WSCD1: variants seen among roughly 807,000 people sequenced by gnomAD.
WSCD1 encodes WSC domain sialate O sulfotransferase 1.
WSCD1 carries 41 observed loss-of-function variants against 60.4 expected under a neutral mutation model. That is an observed-to-expected ratio of 0.68 (90% CI 0.53 to 0.88). The LOEUF (loss-of-function observed/expected upper bound fraction) is 0.88, where lower values mean the gene tolerates loss of function less well. Among genes scored for constraint, WSCD1 ranks in the 40% least tolerant of loss-of-function variants. The pLI is 0.00. For synonymous variants in WSCD1, 361 were observed against 332.5 expected (o/e 1.09, Z -0.93); for missense variants, 784 against 796.2 (o/e 0.98, Z 0.18).
chr17:6,089,385 C>T (rs749823596), intron 3 of WSCD1, among the ~76,000 whole-genome samples: 5 of 152,204 alleles, frequency 3.3e-5, no homozygotes, highest in Non-Finnish European at 5.9e-5. Context: ...ACATCTAAAT[C>T]CACTGATTTG....
intron 5 of WSCD1, among the ~76,000 whole-genome samples, chr17:6,097,659 G>A (rs1910531316): frequency 6.6e-6 from 1 of 152,256 alleles, no homozygotes; most frequent in Admixed American, 6.5e-5. Context: ...GTGACTACCT[G>A]TGTATGTACG....
chr17:6,112,794 G>A (rs1172570501), intron 7 of WSCD1, among the ~76,000 whole-genome samples: 1 of 152,024 alleles, frequency 6.6e-6, no homozygotes, highest in Admixed American at 6.5e-5. Flanking sequence ...AAATTGTAGA[G>A]GACACACAAA....
At chr17:6,086,215 G>A (rs1455125244) in intron 2 of WSCD1, among the ~76,000 whole-genome samples, 3 of 138,746 alleles carry the variant, frequency 2.2e-5, no homozygotes, top group Non-Finnish European at 4.6e-5. Context: ...CCTGGATATT[G>A]CACCTTGGTG....
chr17:6,112,899 C>T (rs1412083843), intron 7 of WSCD1, among the ~76,000 whole-genome samples: 1 of 151,922 alleles, frequency 6.6e-6, no homozygotes, highest in African/African-American at 2.4e-5. Context: ...CAATACAATC[C>T]CTATCAAAAT....
intron 7 of WSCD1, 110 bp downstream of exon 7, chr17:6,111,045 T>G: frequency 7.4e-7 from 1 of 1,359,038 alleles, no homozygotes; most frequent in South Asian, 1.7e-5. Flanking sequence ...AACTTGAGTG[T>G]ACATAAGAGT....
At position 6,120,526 on chromosome 17, in the gene WSCD1, C is replaced by T. The variant is rs763940920; in HGVS notation, c.1593C>T (p.Arg531=). The stretch of plus-strand genomic sequence containing the variant: ...ACAAGGAGGGCAGCTTCCGGCGGCG[C>T]GGCCGGCGCTCCCACGACCCTGAGC... ...ENNKEGSFRR[R]GRRSHDPEPF... Residue 531 remains arginine (R), a synonymous_variant, in exon 9 of 9, where the codon CGC becomes CGT. Coordinates refer to ENST00000317744, the MANE Select transcript of WSCD1 (RefSeq NM_015253.2). The T allele has an allele frequency of 3.6e-5, 58 of 1,613,628 alleles. 1 individual carries two copies. In the South Asian group the frequency reaches 4.6e-4, roughly 13 times the overall value.
chr17:6,081,371 T>A (rs1237149623), intron 2 of WSCD1, among the ~76,000 whole-genome samples: 1 of 149,302 alleles, frequency 6.7e-6, no homozygotes, highest in Non-Finnish European at 1.5e-5. Flanking sequence ...GGCCAACAAT[T>A]TTTTTTTTTA....
intron 7 of WSCD1, among the ~76,000 whole-genome samples, chr17:6,115,840 C>T (rs1184875835): frequency 6.6e-6 from 1 of 152,130 alleles, no homozygotes; most frequent in East Asian, 1.9e-4. Context: ...AATTGATCTG[C>T]CTGCCTCACC....
rs1432539840 is a variant in WSCD1, at chr17:6,070,654, T to TGAGTCCTGTCTCTCGGCGC, written c.-289+3_-289+21dup. ...GCCCCAGCCGGCCGCGATCGCGGGG[T>TGAGTCCTGTCTCTCGGCGC]GAGTCCTGTCTCTCGGCGCTCCAGC... On this transcript the variant is annotated splice_region_variant and intron_variant, in intron 1 of 8. Coordinates refer to ENST00000317744, the MANE Select transcript of WSCD1 (RefSeq NM_015253.2). The TGAGTCCTGTCTCTCGGCGC allele has an allele frequency of 8.8e-5, 13 of 148,090 alleles. No individual in the cohort carries two copies. The highest frequency in any genetic ancestry group is 3.2e-4 in the African/African-American group (13 of 40,204). 9.2% of individuals were successfully genotyped at this position (148,090 alleles called of 1,614,324 possible).
At chr17:6,082,184 C>A (rs940973124) in intron 2 of WSCD1, among the ~76,000 whole-genome samples, 24 of 152,108 alleles carry the variant, frequency 1.6e-4, no homozygotes, top group African/African-American at 4.3e-4. Context: ...GAGTCAATTG[C>A]CAAGGTTATT....
chr17:6,081,689 A>T (rs1462447722), intron 2 of WSCD1, among the ~76,000 whole-genome samples: 9 of 151,950 alleles, frequency 5.9e-5, no homozygotes, highest in Admixed American at 5.9e-4. Flanking sequence ...CCAGCCTGGG[A>T]AGGAGACTCT....
chr17:6,099,530 AAG>A (rs1197381530), intron 5 of WSCD1, among the ~76,000 whole-genome samples: 5 of 151,960 alleles, frequency 3.3e-5, no homozygotes, highest in Non-Finnish European at 7.4e-5. Flanking sequence ...CAAAAAAAAA[AAG>A]AGAGCAACTG....
chr17:6,074,295 C>T (rs961267997), intron 1 of WSCD1, among the ~76,000 whole-genome samples: 3 of 152,214 alleles, frequency 2.0e-5, no homozygotes, highest in Non-Finnish European at 2.9e-5. Flanking sequence ...CTTGTTCCCC[C>T]AAAGGGCCCA....
intron 5 of WSCD1, among the ~76,000 whole-genome samples, chr17:6,109,098 T>A (rs1911261011): frequency 6.6e-6 from 1 of 152,202 alleles, no homozygotes; most frequent in Non-Finnish European, 1.5e-5. Context: ...CAGTCCTCTC[T>A]CAGGGCTTGA....
At position 6,088,003 on chromosome 17, in the gene WSCD1, A is replaced by G. The variant is rs1458062459; in HGVS notation, c.441A>G (p.Gly147=). 1 of 1,613,784 alleles carries G rather than the reference A, an allele frequency of 6.2e-7. No individual in the cohort carries two copies. Among genetic ancestry groups the G allele is most frequent in the African/African-American group, 1.3e-5 (1 of 74,916 alleles). The change falls in exon 3 of 9, where the codon GGA becomes GGG. Residue 147 remains glycine, a synonymous_variant. Coordinates refer to ENST00000317744, the MANE Select transcript of WSCD1 (RefSeq NM_015253.2). ...PAIHSRGTYI[G]CFSDDGHERT... ...CCCTTTCTGCAGGCACCTACATTGGATGCTTCAGTGACGATGGCCACGAGA... is the reference window on the plus strand; with the variant it reads ...CCCTTTCTGCAGGCACCTACATTGGGTGCTTCAGTGACGATGGCCACGAGA...
chr17:6,119,515 G>A (rs1398840394), intron 8 of WSCD1, among the ~76,000 whole-genome samples: 3 of 152,370 alleles, frequency 2.0e-5, no homozygotes, highest in African/African-American at 7.2e-5. Flanking sequence ...GGCCAGACCA[G>A]CTTGTGCTCC....
intron 5 of WSCD1, among the ~76,000 whole-genome samples, chr17:6,103,558 C>T (rs1910923977): frequency 1.3e-5 from 2 of 152,152 alleles, no homozygotes; most frequent in South Asian, 4.1e-4. Context: ...GAGCCATCTG[C>T]CCCTGGAGAC....
rs1904816106 is a variant in WSCD1, at chr17:6,123,185, G to A, written c.*2524G>A. ...TGATCTGTATGTAGGGCAGAAGTGTGGCAAATGCATCAGGAACCGGTTAGA... is the reference window on the plus strand; with the variant it reads ...TGATCTGTATGTAGGGCAGAAGTGTAGCAAATGCATCAGGAACCGGTTAGA... On this transcript the variant is annotated 3_prime_UTR_variant, in exon 9 of 9. Transcript: ENST00000317744. 6.6e-6 allele frequency: 1 copy of A among 152,180 alleles called. No homozygotes were observed. Among genetic ancestry groups the A allele is most frequent in the Non-Finnish European group, 1.5e-5 (1 of 68,056 alleles). 9.4% of individuals were successfully genotyped at this position (152,180 alleles called of 1,614,324 possible).
intron 7 of WSCD1, among the ~76,000 whole-genome samples, chr17:6,114,775 C>A (rs577601356): frequency 1.6e-4 from 24 of 151,904 alleles, no homozygotes; most frequent in Admixed American, 4.6e-4. Context: ...CTGCACCTAC[C>A]AACCCATCGT....
Sources: allele counts gnomAD v4.1 joint callset (sites outside exome capture counted in the v4.1 genomes callset), GRCh38; gene constraint gnomAD v4.1.1; transcripts MANE v1.5; gene names NCBI Gene and HGNC (gene_info 2026-07-23, HGNC 2026-07-21).